The following DNAJC11 variants were observed in gnomAD, a reference collection of about 807,000 sequenced individuals.
The protein encoded by DNAJC11 is dnaJ homolog subfamily C member 11.
A neutral mutation model predicts 78.6 loss-of-function variants in DNAJC11; 15 were observed. That is an observed-to-expected ratio of 0.19 (90% CI 0.13 to 0.29). DNAJC11 has a LOEUF of 0.29. Among genes scored for constraint, DNAJC11 ranks in the 10% least tolerant of loss-of-function variants. The pLI is 1.00. For synonymous variants in DNAJC11, 292 were observed against 272.1 expected, an observed-to-expected ratio of 1.07 and a Z score of -0.72; for missense variants, 547 against 709.6, an observed-to-expected ratio of 0.77 and a Z score of 2.60.
chr1:6,667,163 A>G (rs1642306513), intron 4 of DNAJC11, among the ~76,000 whole-genome samples: 3 of 152,200 alleles, frequency 2.0e-5, no homozygotes, highest in Admixed American at 2.0e-4. Flanking sequence ...CAAACAACCC[A>G]GTGACCGGTG....
chr1:6,657,788 G>A (rs1319354204), intron 4 of DNAJC11, among the ~76,000 whole-genome samples: 6 of 152,114 alleles, frequency 3.9e-5, no homozygotes, highest in African/African-American at 1.4e-4. Context: ...GGGACTACAG[G>A]CGCCTGCCAC....
chr1:6,637,607 C>G (rs1278749863), intron 12 of DNAJC11, 103 bp from the exon 13 acceptor site: 1 of 1,346,908 alleles, frequency 7.4e-7, no homozygotes, highest in Non-Finnish European at 1.1e-6. Flanking sequence ...AACATACTTG[C>G]TCAGGGCCTG....
intron 11 of DNAJC11, among the ~76,000 whole-genome samples, chr1:6,638,752 C>T (rs1641826572): frequency 6.6e-6 from 1 of 152,218 alleles, no homozygotes; most frequent in African/African-American, 2.4e-5. Context: ...GTCTCGAACT[C>T]CTGGGCTCAA....
rs375844990 is a variant in DNAJC11, at chr1:6,680,893, C to T, written c.202+15G>A. 1.4e-5 allele frequency: 23 copies of T among 1,609,964 alleles called. No individual in the cohort carries two copies. Among genetic ancestry groups the T allele is most frequent in the East Asian group, 1.3e-4 (6 of 44,838 alleles). On this transcript the variant is annotated intron_variant, in intron 2 of 15. Transcript: ENST00000377577. This position sits in a 1 kb window ranked among gnomAD's most constrained non-coding sequence, Gnocchi z 4.0. The stretch of plus-strand genomic sequence containing the variant: ...GTTACCAGGATGTTTCTACAAAGTC[C>T]GGCCCTCCACTGACCTTCATAAGCC...
chr1:6,690,201 A>T (rs1308374344), intron 1 of DNAJC11, among the ~76,000 whole-genome samples: 1 of 151,604 alleles, frequency 6.6e-6, no homozygotes, highest in Non-Finnish European at 1.5e-5. Context: ...AGGCGTTTAC[A>T]ATATATATAT....
chr1:6,644,515 G>A (rs1165516930), intron 10 of DNAJC11, 43 bp downstream of exon 10: 2 of 1,343,004 alleles, frequency 1.5e-6, no homozygotes, highest in South Asian at 1.2e-5. Context: ...TTGAGTGAAG[G>A]TGACAGGCAT....
intron 3 of DNAJC11, among the ~76,000 whole-genome samples, chr1:6,676,198 C>T (rs978320194): frequency 1.4e-4 from 21 of 152,132 alleles, no homozygotes; most frequent in African/African-American, 4.1e-4. Context: ...CCAGACATAA[C>T]GCAAGGGGGA....
intron 7 of DNAJC11, among the ~76,000 whole-genome samples, chr1:6,646,880 GC>G (rs1352954277): frequency 6.6e-6 from 1 of 151,962 alleles, no homozygotes; most frequent in Admixed American, 6.6e-5. Flanking sequence ...CAGTAGGCAG[GC>G]TCATTGGCTC....
rs558099098 is a variant in DNAJC11, at chr1:6,635,475, G to A, written c.*200C>T. 65 of 575,614 alleles carry A rather than the reference G, an allele frequency of 1.1e-4. No individual in the cohort carries two copies. The South Asian group carries it at 1.4e-3, about 13-fold the overall frequency. 35.7% of individuals were successfully genotyped at this position (575,614 alleles called of 1,614,324 possible). ...GCCAGGCTGCAGTCTGGTTCCCAGT[G>A]GGGCTGCCTCAGTCCTACCCCCAGC... On this transcript the variant is annotated 3_prime_UTR_variant, in exon 16 of 16. Transcript: ENST00000377577.
chr1:6,647,062 A>ACTTGAG lies in DNAJC11; in HGVS notation c.705-1090_705-1085dup, dbSNP rs1326122781. On this transcript the variant is annotated intron_variant, in intron 7 of 15. Transcript: ENST00000377577. ...TCTCAGCGACTGAGGAGGAAGGAGC[A>ACTTGAG]CTTGAGCCTGGACAGGTCTTTTTTT... is the stretch of plus-strand genomic sequence containing the variant. Among the ~76,000 whole-genome samples the ACTTGAG allele has an allele frequency of 4.1e-5, 6 of 147,158 alleles. 1 individual carries two copies. Among genetic ancestry groups the ACTTGAG allele is most frequent in the Non-Finnish European group, 8.9e-5 (6 of 67,314 alleles).
chr1:6,652,033 CA>C (rs1367523682), intron 6 of DNAJC11, among the ~76,000 whole-genome samples: 2 of 152,180 alleles, frequency 1.3e-5, no homozygotes, highest in Non-Finnish European at 2.9e-5. Flanking sequence ...AAATGTCTCC[CA>C]GGTCACTGGG....
At chr1:6,693,920 A>G (rs1642792182) in intron 1 of DNAJC11, among the ~76,000 whole-genome samples, 1 of 146,978 alleles carries the variant, frequency 6.8e-6, no homozygotes. Context: ...GCTCACGGCA[A>G]CCTCCACCTC....
chr1:6,648,995 T>TA (rs1167391919), intron 7 of DNAJC11, among the ~76,000 whole-genome samples: 1 of 151,902 alleles, frequency 6.6e-6, no homozygotes, highest in Non-Finnish European at 1.5e-5. Flanking sequence ...TTCCATCTTT[T>TA]AAAAAAAATT....
At chr1:6,658,254 AAG>A (rs1195671361) in intron 4 of DNAJC11, among the ~76,000 whole-genome samples, 3 of 152,320 alleles carry the variant, frequency 2.0e-5, no homozygotes, top group Middle Eastern at 3.4e-3. Context: ...CAGCTCTGAC[AAG>A]AGAGTCTGGA....
chr1:6,677,451 C>A (rs1642482700), intron 3 of DNAJC11, among the ~76,000 whole-genome samples: 1 of 151,994 alleles, frequency 6.6e-6, no homozygotes, highest in African/African-American at 2.4e-5. Context: ...CGCCACCAAG[C>A]CCGACTAATT....
intron 4 of DNAJC11, among the ~76,000 whole-genome samples, chr1:6,662,038 A>C (rs1570285230): frequency 1.3e-5 from 2 of 150,098 alleles, no homozygotes; most frequent in Non-Finnish European, 3.0e-5. Flanking sequence ...TGCAACCTCC[A>C]CCTCCAGGGC....
chr1:6,690,352 T>G (rs144969088), intron 1 of DNAJC11, among the ~76,000 whole-genome samples: 1 of 152,212 alleles, frequency 6.6e-6, no homozygotes, highest in African/African-American at 2.4e-5. Flanking sequence ...AGCATTTCCA[T>G]GCACTCCCAC....
Position 6,652,804 on chromosome 1 carries a change from C to T in DNAJC11, c.630+25G>A, listed in dbSNP as rs758096874. 1.2e-5 allele frequency: 19 copies of T among 1,613,898 alleles called. No individual in the cohort carries two copies. In the African/African-American group the frequency reaches 1.5e-4, roughly 12 times the overall value. ...GAAATAAGGCTTTGCACAGACAACA[C>T]AACTCAGCCAATAGACATTCTTACC... On this transcript the variant is annotated intron_variant, in intron 6 of 15. Transcript: ENST00000377577.
In DNAJC11 at chr1:6,634,781, C is replaced by T; in HGVS notation, c.*894G>A. On this transcript the variant is annotated 3_prime_UTR_variant, in exon 16 of 16. Coordinates refer to ENST00000377577, the MANE Select transcript of DNAJC11 (RefSeq NM_018198.4). The stretch of plus-strand genomic sequence containing the variant: ...CCTGCAGGAGCGGGGAGCTGCAGTG[C>T]CACCTGCTGGGTACCACGGGCCGGG... 1 of 1,317,972 alleles carries T rather than the reference C, an allele frequency of 7.6e-7. No individual in the cohort carries two copies. Among genetic ancestry groups the T allele is most frequent in the Non-Finnish European group, 1.0e-6 (1 of 995,996 alleles). 81.6% of individuals were successfully genotyped at this position (1,317,972 alleles called of 1,614,324 possible).
Sources: gnomAD v4.1 joint callset for allele counts (sites outside exome capture counted in the v4.1 genomes callset) on GRCh38, gnomAD v4.1.1 for gene constraint, Gnocchi (gnomAD v3.1) non-coding constraint, MANE v1.5 for transcripts, NCBI Gene and HGNC (gene_info 2026-07-23, HGNC 2026-07-21) for gene names.